Variants in NPL observed in about 807,000 individuals in gnomAD.
NPL encodes the protein N-acetylneuraminate lyase.
NPL carries 32 observed loss-of-function variants against 41.1 expected under a neutral mutation model. The observed-to-expected ratio is 0.78, with a 90% CI of 0.59 to 1.05. The LOEUF is 1.05. NPL is among the 50% of genes least tolerant of loss of function. The pLI, the probability that NPL is intolerant of heterozygous loss-of-function variation, is 0.00. For synonymous variants in NPL, 128 were observed against 134.9 expected, an observed-to-expected ratio of 0.95 and a Z score of 0.35; for missense variants, 321 against 378.4, an observed-to-expected ratio of 0.85 and a Z score of 1.26.
chr1:182,794,627 C>T (rs533516553), intron 3 of NPL, among the ~76,000 whole-genome samples, 188 bp downstream of exon 3: 3 of 152,296 alleles, frequency 2.0e-5, no homozygotes, highest in Admixed American at 2.0e-4. Flanking sequence ...ATCTCTGACC[C>T]CAAAGTCAGA....
chr1:182,796,033 G>A (rs1666654075), intron 3 of NPL, among the ~76,000 whole-genome samples: 1 of 152,074 alleles, frequency 6.6e-6, no homozygotes, highest in South Asian at 2.1e-4. Context: ...CCATGATAGA[G>A]ATAACTAAAA....
In NPL at chr1:182,829,695, C is replaced by A; in HGVS notation, c.*787C>A. The A allele has an allele frequency of 7.0e-7, 1 of 1,423,228 alleles. No homozygotes were observed. The highest frequency in any genetic ancestry group is 9.7e-7 in the Non-Finnish European group (1 of 1,030,682). The allele number at this position is 1,423,228 out of a possible 1,614,324, so 88.2% of individuals were successfully genotyped here. A position where few individuals can be genotyped will look rare whatever the true frequency, so the allele number is the denominator to read the frequency against. ...CCTCCACTGAGAAGACTGTCTCTCC[C>A]GCAGGACCCTGAATTATTGAAATCG... On this transcript the variant is annotated 3_prime_UTR_variant, in exon 13 of 13. Transcript: ENST00000367553.
chr1:182,806,082 G>T, intron 4 of NPL, 63 bp from the exon 5 acceptor site: 4 of 1,603,580 alleles, frequency 2.5e-6, no homozygotes, highest in Non-Finnish European at 2.6e-6. Context: ...TGCACTTTCA[G>T]ACTCGGGGTT....
chr1:182,802,073 C>A (rs1557942641), intron 3 of NPL, among the ~76,000 whole-genome samples: 1 of 152,186 alleles, frequency 6.6e-6, no homozygotes, highest in Non-Finnish European at 1.5e-5. Flanking sequence ...GTGGTGCTAA[C>A]CTGCTTGTAA....
At chr1:182,810,917 G>T (rs901235107) in intron 5 of NPL, among the ~76,000 whole-genome samples, 2 of 152,080 alleles carry the variant, frequency 1.3e-5, no homozygotes, top group African/African-American at 2.4e-5. Flanking sequence ...TTCACAGCTG[G>T]TTCATAACAG....
At chr1:182,800,764 C>G (rs926698208) in intron 3 of NPL, among the ~76,000 whole-genome samples, 1 of 136,306 alleles carries the variant, frequency 7.3e-6, no homozygotes, top group African/African-American at 2.9e-5. Context: ...GAGTCTCGCT[C>G]TGTCACCCAG....
chr1:182,825,586 C>T (rs532013720), intron 11 of NPL, among the ~76,000 whole-genome samples, 195 bp from the exon 12 acceptor site: 1 of 152,282 alleles, frequency 6.6e-6, no homozygotes, highest in South Asian at 2.1e-4. Context: ...GTAAAGCCTA[C>T]ATGTATGAAA....
At chr1:182,796,984 A>G (rs1666688098) in intron 3 of NPL, among the ~76,000 whole-genome samples, 1 of 150,226 alleles carries the variant, frequency 6.7e-6, no homozygotes, top group Non-Finnish European at 1.5e-5. Flanking sequence ...GCGGTGAGCC[A>G]AGATCATTCC....
chr1:182,804,850 CA>C (rs1666958730), intron 4 of NPL, among the ~76,000 whole-genome samples: 1 of 152,186 alleles, frequency 6.6e-6, no homozygotes, highest in Non-Finnish European at 1.5e-5. Flanking sequence ...TGTCCCTCTA[CA>C]GCGCTAAGCC....
intron 8 of NPL, among the ~76,000 whole-genome samples, chr1:182,817,865 A>G (rs2102559158): frequency 6.6e-6 from 1 of 152,314 alleles, no homozygotes; most frequent in Admixed American, 6.5e-5. Context: ...CGTATTCAGC[A>G]ACCCAGAAGC....
chr1:182,809,401 A>T (rs1224972028), intron 5 of NPL: 7 of 285,416 alleles, frequency 2.5e-5, no homozygotes, highest in Non-Finnish European at 4.2e-5. Context: ...ATAGCCGGAC[A>T]TGGTGGCAGG....
intron 10 of NPL, among the ~76,000 whole-genome samples, chr1:182,820,054 C>G (rs1667447185): frequency 6.6e-6 from 1 of 152,090 alleles, no homozygotes; most frequent in African/African-American, 2.4e-5. Flanking sequence ...TTTCTCTTCT[C>G]TCTCTCTGTA....
intron 4 of NPL, 142 bp downstream of exon 4, chr1:182,803,913 G>C: frequency 1.4e-6 from 1 of 718,536 alleles, no homozygotes; most frequent in South Asian, 1.5e-5. Flanking sequence ...TAAAATTTGT[G>C]AATTTGTAGG....
chr1:182,829,658 A>G lies in NPL; in HGVS notation c.*750A>G. ...AAAGGACTCTTCCTCTGGGCACCAC[A>G]AACTTCCCCTTCCTCCACTGAGAAG... On this transcript the variant is annotated 3_prime_UTR_variant, in exon 13 of 13. Transcript: ENST00000367553. 1 of 1,548,090 alleles carries G rather than the reference A, an allele frequency of 6.5e-7. No individual in the cohort carries two copies. The highest frequency in any genetic ancestry group is 1.2e-5 in the South Asian group (1 of 83,970).
intron 4 of NPL, among the ~76,000 whole-genome samples, 161 bp from the exon 5 acceptor site, chr1:182,805,984 A>G (rs1410466711): frequency 6.6e-6 from 1 of 152,224 alleles, no homozygotes; most frequent in Non-Finnish European, 1.5e-5. Flanking sequence ...TGACAAGGTG[A>G]AAGTGGAAAA....
intron 11 of NPL, among the ~76,000 whole-genome samples, chr1:182,822,819 C>T (rs1289747945): frequency 6.6e-6 from 1 of 152,210 alleles, no homozygotes; most frequent in Non-Finnish European, 1.5e-5. Flanking sequence ...GACAGCCTAG[C>T]CATCAGGGAA....
intron 6 of NPL, 48 bp downstream of exon 6, chr1:182,812,261 T>C (rs749568670): frequency 1.3e-6 from 2 of 1,507,964 alleles, no homozygotes. Context: ...GGGCCTCCAT[T>C]TTTATGCCGC....
chr1:182,815,793 G>A (rs1280624605), intron 7 of NPL, among the ~76,000 whole-genome samples: 6 of 152,174 alleles, frequency 3.9e-5, no homozygotes, highest in East Asian at 3.9e-4. Flanking sequence ...ATTTTATAGG[G>A]ACAGGATGTT....
At chr1:182,812,353 A>G (rs966244281) in intron 6 of NPL, 140 bp downstream of exon 6, 11 of 764,096 alleles carry the variant, frequency 1.4e-5, no homozygotes, top group Non-Finnish European at 2.3e-5. Flanking sequence ...GGCTTACTGC[A>G]TAGAAGCAGG....
Sources: allele counts gnomAD v4.1 joint callset (sites outside exome capture counted in the v4.1 genomes callset), GRCh38; gene constraint gnomAD v4.1.1; transcripts MANE v1.5; gene names NCBI Gene and HGNC (gene_info 2026-07-23, HGNC 2026-07-21).